Variants in PAPOLG observed in about 807,000 individuals in gnomAD.
The protein encoded by PAPOLG is poly(A) polymerase gamma, also known as PAP-gamma.
PAPOLG carries 40 observed loss-of-function variants against 99.0 expected under a neutral mutation model. The ratio of observed to expected loss-of-function variants is 0.40; its 90% CI spans 0.31 to 0.53. The LOEUF is 0.53. Among genes scored for constraint, PAPOLG ranks in the 20% least tolerant of loss-of-function variants. PAPOLG has a pLI of 0.41. For synonymous variants in PAPOLG, 310 were observed against 299.3 expected (o/e 1.04, Z -0.37); for missense variants, 675 against 884.1 (o/e 0.76, Z 3.00).
At chr2:60,771,795 A>G (rs575201071) in intron 7 of PAPOLG, among the ~76,000 whole-genome samples, 165 bp downstream of exon 7, 5 of 152,164 alleles carry the variant, frequency 3.3e-5, no homozygotes, top group East Asian at 1.9e-4. Flanking sequence ...AAAAACCACA[A>G]ATTTATTTGA....
chr2:60,794,755 G>A lies in PAPOLG; in HGVS notation c.2035G>A (p.Glu679Lys). ...ATTTAAGGACCCCCGCACTGCTGAA[G>A]AAAGAAAAAGAAAATCAGTGGTAAA... ...STFKDPRTAEERKRKSVDAIG... is the reference protein window; with the variant it reads ...STFKDPRTAEKRKRKSVDAIG... Residue 679 changes from glutamate (E) to lysine (K), a missense_variant, in exon 20 of 22, where the codon GAA (glutamate) becomes AAA (lysine). Coordinates refer to ENST00000238714, the MANE Select transcript of PAPOLG (RefSeq NM_022894.4). 6.2e-7 allele frequency: 1 copy of A among 1,608,354 alleles called. No homozygotes were observed. Among genetic ancestry groups the A allele is most frequent in the Non-Finnish European group, 8.5e-7 (1 of 1,175,100 alleles).
intron 13 of PAPOLG, among the ~76,000 whole-genome samples, chr2:60,785,737 G>A (rs1255235104): frequency 2.9e-5 from 4 of 139,180 alleles, no homozygotes; most frequent in African/African-American, 8.1e-5. Flanking sequence ...TCACTATGTT[G>A]CCCCAGGTGA....
intron 15 of PAPOLG, among the ~76,000 whole-genome samples, chr2:60,790,179 A>C (rs1313808782): frequency 6.6e-6 from 1 of 152,234 alleles, no homozygotes; most frequent in East Asian, 1.9e-4. Context: ...GAGAATCTGC[A>C]ACTTAAACAA....
chr2:60,770,892 G>C (rs925993560), intron 6 of PAPOLG, among the ~76,000 whole-genome samples: 36 of 151,938 alleles, frequency 2.4e-4, no homozygotes, highest in Admixed American at 2.4e-3. Flanking sequence ...CAAAGTGCTG[G>C]GATTACAGGC....
chr2:60,791,726 G>A (rs1254705675), intron 15 of PAPOLG, 35 bp from the exon 16 acceptor site: 2 of 1,569,004 alleles, frequency 1.3e-6, no homozygotes, highest in Non-Finnish European at 1.7e-6. Context: ...GGTTCAGAAA[G>A]AAGTTTCCCA....
At chr2:60,760,014 G>T in intron 1 of PAPOLG, 120 bp from the exon 2 acceptor site, 1 of 1,017,226 alleles carries the variant, frequency 9.8e-7, no homozygotes, top group Non-Finnish European at 1.4e-6. Flanking sequence ...TGCCACTACT[G>T]TTATTACTAA....
intron 21 of PAPOLG, 40 bp from the exon 22 acceptor site, chr2:60,797,022 A>T (rs1474587552): frequency 6.2e-7 from 1 of 1,611,822 alleles, no homozygotes; most frequent in Non-Finnish European, 8.5e-7. Flanking sequence ...AATATATATG[A>T]TGTGCTTTTC....
intron 7 of PAPOLG, among the ~76,000 whole-genome samples, chr2:60,773,352 A>AT (rs1670914070): frequency 6.6e-6 from 1 of 152,072 alleles, no homozygotes; most frequent in African/African-American, 2.4e-5. Context: ...AATCTGCTTT[A>AT]TTTCTTTGTA....
intron 1 of PAPOLG, among the ~76,000 whole-genome samples, chr2:60,757,832 T>C (rs1043805720): frequency 1.8e-4 from 27 of 152,200 alleles, no homozygotes; most frequent in Admixed American, 1.8e-3. Context: ...ATTCTGTTGT[T>C]TACTTTCCCC....
intron 13 of PAPOLG, among the ~76,000 whole-genome samples, chr2:60,785,646 C>G (rs1360455787): frequency 2.0e-5 from 3 of 151,690 alleles, no homozygotes; most frequent in African/African-American, 7.3e-5. Context: ...CCTCGGCTCC[C>G]CAAGTAGCTG....
intron 21 of PAPOLG, chr2:60,795,224 C>A: frequency 1.5e-6 from 1 of 658,102 alleles, no homozygotes; most frequent in Non-Finnish European, 2.8e-6. Context: ...AAAAAAGAGG[C>A]AGTAGTTTAA....
chr2:60,795,975 T>C (rs562888559), intron 21 of PAPOLG, among the ~76,000 whole-genome samples: 2 of 152,264 alleles, frequency 1.3e-5, no homozygotes, highest in Admixed American at 1.3e-4. Context: ...GGAAAGTGGG[T>C]ACACCAAACA....
intron 1 of PAPOLG, 122 bp from the exon 2 acceptor site, chr2:60,760,012 C>G (rs1447433336): frequency 1.0e-6 from 1 of 966,022 alleles, no homozygotes; most frequent in African/African-American, 1.7e-5. Flanking sequence ...TCTGCCACTA[C>G]TGTTATTACT....
rs560231547 is a variant in PAPOLG at position 60,766,772 on chromosome 2, A to AGGTTGGATTCTGTAACCATGTTGGTT, written c.247-1691_247-1666dup. ...AACAATGGCAAATGCAGTGAAAAGG[A>AGGTTGGATTCTGTAACCATGTTGGTT]GGTTGGATTCTGTAACCATGTTGGT... On this transcript the variant is annotated intron_variant, in intron 3 of 21. Coordinates refer to ENST00000238714, the MANE Select transcript of PAPOLG (RefSeq NM_022894.4). 2.7e-4 allele frequency among the ~76,000 whole-genome samples: 41 copies of AGGTTGGATTCTGTAACCATGTTGGTT among 151,940 alleles called. 1 individual carries two copies. The South Asian group carries it at 8.1e-3, about 30-fold the overall frequency.
chr2:60,770,549 T>A (rs767513980), intron 6 of PAPOLG, 38 bp downstream of exon 6: 38 of 1,309,518 alleles, frequency 2.9e-5, no homozygotes, highest in Admixed American at 2.2e-5. Context: ...ACAATTGAAC[T>A]GTTTAAACTT....
chr2:60,785,436 C>T (rs114543051), intron 13 of PAPOLG, among the ~76,000 whole-genome samples: 1,693 of 152,102 alleles, frequency 0.011, 34 homozygotes, highest in African/African-American at 0.038. Context: ...CGTGCCCAGC[C>T]CGTGAATTTT....
At chr2:60,781,846 TAGG>T (rs756686781) in intron 10 of PAPOLG, 36 bp from the exon 11 acceptor site, 55 of 1,611,872 alleles carry the variant, frequency 3.4e-5, no homozygotes, top group Non-Finnish European at 4.2e-5. Flanking sequence ...ACAACTGAAA[TAGG>T]AGAATAGATC....
chr2:60,757,259 G>A (rs1191107881), intron 1 of PAPOLG, among the ~76,000 whole-genome samples: 3 of 152,092 alleles, frequency 2.0e-5, no homozygotes, highest in African/African-American at 7.2e-5. Flanking sequence ...GTGTATATAC[G>A]TATCTGTGTA....
intron 15 of PAPOLG, among the ~76,000 whole-genome samples, chr2:60,788,094 T>TAA (rs1367278763): frequency 1.3e-5 from 2 of 151,610 alleles, no homozygotes; most frequent in Non-Finnish European, 2.9e-5. Context: ...CAAGATATAT[T>TAA]AAGTGGGGGG....
Sources: allele counts gnomAD v4.1 joint callset (sites outside exome capture counted in the v4.1 genomes callset), GRCh38; gene constraint gnomAD v4.1.1; transcripts MANE v1.5; gene names NCBI Gene and HGNC (gene_info 2026-07-23, HGNC 2026-07-21).